Variants in MIPEP observed in about 807,000 individuals in gnomAD.
The protein encoded by MIPEP is mitochondrial intermediate peptidase.
Under a neutral mutation model 90.3 loss-of-function variants are expected in MIPEP, and 79 were observed. The ratio of observed to expected loss-of-function variants is 0.87; its 90% CI spans 0.73 to 1.05. The LOEUF is 1.05. Among genes scored for constraint, MIPEP ranks in the 50% least tolerant of loss-of-function variants. MIPEP has a pLI of 0.00. For synonymous variants in MIPEP, 334 were observed against 315.8 expected (o/e 1.06, Z -0.61); for missense variants, 940 against 905.6 (o/e 1.04, Z -0.49).
At chr13:23,830,088 C>T (rs921475678) in intron 14 of MIPEP, among the ~76,000 whole-genome samples, 1 of 152,106 alleles carries the variant, frequency 6.6e-6, no homozygotes, top group African/African-American at 2.4e-5. Flanking sequence ...TCCAGCAGTT[C>T]CAATCTTATA....
chr13:23,854,043 T>A (rs1046362321), intron 10 of MIPEP, among the ~76,000 whole-genome samples: 9 of 150,622 alleles, frequency 6.0e-5, no homozygotes, highest in Admixed American at 6.0e-4. Context: ...TCTTGGTAAT[T>A]GGCCAGGCGC....
At chr13:23,870,723 C>T (rs369502176) in intron 5 of MIPEP, among the ~76,000 whole-genome samples, 198 of 151,996 alleles carry the variant, frequency 1.3e-3, no homozygotes, top group African/African-American at 4.5e-3. Context: ...GAGAATCGCT[C>T]GAACCCAGGA....
Position 23,836,294 on chromosome 13 carries a change from A to G in MIPEP, c.1599T>C (p.Phe533=). ...GGTTAACTACTCGATAATCATTTGC[A>G]AAGTACTCCATCAGAATAGAAGGAA... ...AEVPSILMEY[F]ANDYRVVNQF... is the part of the protein sequence containing the mutation. Residue 533 remains phenylalanine, a synonymous_variant, in exon 14 of 19, where the codon TTT becomes TTC. Transcript: ENST00000382172. The G allele has an allele frequency of 6.2e-7, 1 of 1,607,764 alleles. No individual in the cohort carries two copies. Among genetic ancestry groups the G allele is most frequent in the African/African-American group, 1.3e-5 (1 of 74,746 alleles).
Position 23,839,683 on chromosome 13 carries a change from C to A in MIPEP, c.1304G>T (p.Cys435Phe), listed in dbSNP as rs1869210281. Residue 435 changes from cysteine (C) to phenylalanine (F), a missense_variant, in exon 12 of 19, where the codon TGT becomes TTT. Coordinates refer to ENST00000382172, the MANE Select transcript of MIPEP (RefSeq NM_005932.4). ...ESEGLLGYIY[C>F]DFFQRADKPH... The stretch of plus-strand genomic sequence containing the variant: ...TTTGTCTGCTCGCTGAAAAAAATCA[C>A]AGTAAATGTACCCCAACAATCCTTC... 6.2e-7 allele frequency: 1 copy of A among 1,613,050 alleles called. No individual in the cohort carries two copies. Among genetic ancestry groups the A allele is most frequent in the Non-Finnish European group, 8.5e-7 (1 of 1,179,658 alleles).
At chr13:23,813,240 G>T (rs1401048255) in intron 14 of MIPEP, among the ~76,000 whole-genome samples, 1 of 152,120 alleles carries the variant, frequency 6.6e-6, no homozygotes, top group Non-Finnish European at 1.5e-5. Context: ...TCCTGGTCAA[G>T]ATTTTCTTCT....
At chr13:23,832,258 C>A (rs1218440178) in intron 14 of MIPEP, among the ~76,000 whole-genome samples, 1 of 152,142 alleles carries the variant, frequency 6.6e-6, no homozygotes, top group East Asian at 1.9e-4. Context: ...CCATGTGAGG[C>A]CCTGAGCCAC....
At chr13:23,775,398 C>T (rs527870339) in intron 16 of MIPEP, among the ~76,000 whole-genome samples, 8 of 152,248 alleles carry the variant, frequency 5.3e-5, no homozygotes, top group South Asian at 4.2e-4. Flanking sequence ...TTTCTAGGTG[C>T]TCTTTTTAGG....
chr13:23,780,235 G>A (rs923697789), intron 16 of MIPEP, among the ~76,000 whole-genome samples: 2 of 152,222 alleles, frequency 1.3e-5, no homozygotes, highest in Non-Finnish European at 2.9e-5. Context: ...TCACACGGCC[G>A]GGTACCCCTC....
At chr13:23,840,855 T>C (rs1225826479) in intron 11 of MIPEP, among the ~76,000 whole-genome samples, 1 of 152,164 alleles carries the variant, frequency 6.6e-6, no homozygotes, top group Non-Finnish European at 1.5e-5. Flanking sequence ...AGGAGAAAGA[T>C]GATTGCTAGG....
chr13:23,840,849 G>C (rs1299365859), intron 11 of MIPEP, among the ~76,000 whole-genome samples: 5 of 152,170 alleles, frequency 3.3e-5, no homozygotes, highest in Non-Finnish European at 7.4e-5. Context: ...CTTCACAGGA[G>C]AAAGATGATT....
intron 10 of MIPEP, among the ~76,000 whole-genome samples, chr13:23,852,321 T>C (rs745507150): frequency 1.2e-4 from 18 of 152,220 alleles, no homozygotes; most frequent in Non-Finnish European, 2.2e-4. Flanking sequence ...GTAATAATGA[T>C]ACAAGAGTTA....
chr13:23,787,958 G>A (rs952990157), intron 16 of MIPEP, among the ~76,000 whole-genome samples: 22 of 152,154 alleles, frequency 1.4e-4, no homozygotes, highest in African/African-American at 3.1e-4. Flanking sequence ...TTCCATGAGC[G>A]TGGCCTCTTT....
intron 18 of MIPEP, among the ~76,000 whole-genome samples, chr13:23,748,397 C>A (rs912197837): frequency 2.0e-5 from 3 of 152,122 alleles, no homozygotes; most frequent in Admixed American, 6.5e-5. Context: ...TATTGAGGGG[C>A]AGAGACCATA....
chr13:23,773,917 T>C (rs929260440), intron 16 of MIPEP, among the ~76,000 whole-genome samples: 1 of 152,178 alleles, frequency 6.6e-6, no homozygotes, highest in East Asian at 1.9e-4. Context: ...ATTAAAAAAT[T>C]TGTCCCCATT....
At chr13:23,803,928 A>G (rs185427244) in intron 16 of MIPEP, among the ~76,000 whole-genome samples, 12 of 152,234 alleles carry the variant, frequency 7.9e-5, no homozygotes, top group African/African-American at 2.2e-4. Flanking sequence ...TCTTTTAAAG[A>G]CCTCTTAAAA....
chr13:23,800,684 T>C (rs1261735182), intron 16 of MIPEP, among the ~76,000 whole-genome samples: 1 of 152,224 alleles, frequency 6.6e-6, no homozygotes, highest in Admixed American at 6.5e-5. Context: ...AAAGCATCAT[T>C]ATTTAATATG....
At chr13:23,745,686 G>C (rs964475087) in intron 18 of MIPEP, among the ~76,000 whole-genome samples, 1 of 152,132 alleles carries the variant, frequency 6.6e-6, no homozygotes, top group South Asian at 2.1e-4. Context: ...CTGGCACTCT[G>C]GGAGGCCGAG....
intron 18 of MIPEP, among the ~76,000 whole-genome samples, chr13:23,742,205 T>C (rs1468681135): frequency 6.6e-6 from 1 of 152,228 alleles, no homozygotes; most frequent in Non-Finnish European, 1.5e-5. Flanking sequence ...ATACAAAAGT[T>C]TTCCTTTGAA....
At chr13:23,874,776 T>C (rs1486018530) in intron 5 of MIPEP, 70 bp downstream of exon 5, 7 of 1,295,900 alleles carry the variant, frequency 5.4e-6, no homozygotes, top group Non-Finnish European at 7.5e-6. Context: ...ATACAAGGAC[T>C]GTAGCAATAA....
Sources: gnomAD v4.1 joint callset for allele counts (sites outside exome capture counted in the v4.1 genomes callset) on GRCh38, gnomAD v4.1.1 for gene constraint, MANE v1.5 for transcripts, NCBI Gene and HGNC (gene_info 2026-07-23, HGNC 2026-07-21) for gene names.